STK33: variants seen among roughly 807,000 people sequenced by gnomAD.
STK33 encodes serine/threonine-protein kinase 33.
A neutral mutation model predicts 58.0 loss-of-function variants in STK33; 52 were observed. That is an observed-to-expected ratio of 0.90 (90% CI 0.72 to 1.13). The LOEUF (loss-of-function observed/expected upper bound fraction) is 1.13. Ranked by LOEUF, STK33 falls within the 50% of genes most tolerant of loss-of-function variation. STK33 has a pLI of 0.00. For missense variants in STK33, 630 were observed against 604.2 expected (o/e 1.04, Z -0.45); for synonymous variants, 215 against 200.1 (o/e 1.07, Z -0.63).
At position 8,454,724 on chromosome 11, in the gene STK33, A is replaced by C. The variant is rs1244467003; in HGVS notation, c.786+20T>G. The C allele has an allele frequency of 6.4e-7, 1 of 1,559,240 alleles. No individual in the cohort carries two copies. The highest frequency in any genetic ancestry group is 1.4e-5 in the African/African-American group (1 of 72,748). On this transcript the variant is annotated intron_variant, in intron 10 of 15. Coordinates refer to ENST00000687296, the MANE Select transcript of STK33 (RefSeq NM_001352389.2). ...TCAAACTGTTTACAGGCAAATATTT[A>C]CCACCATTGCTAATCTTACCTTTAT...
chr11:8,348,348 C>T, the STK33 span, among the ~76,000 whole-genome samples: 8 of 152,070 alleles, frequency 5.3e-5, no homozygotes, highest in East Asian at 5.8e-4. Context: ...ACAATCTTGG[C>T]GGAAGGGGAA....
At chr11:8,584,985 C>G (rs1035340240) in intron 1 of STK33, among the ~76,000 whole-genome samples, 1 of 148,076 alleles carries the variant, frequency 6.8e-6, no homozygotes, top group Non-Finnish European at 1.5e-5. Flanking sequence ...TGCAGTGGTG[C>G]GATCTCAGCT....
At chr11:8,338,040 G>A in the STK33 span, among the ~76,000 whole-genome samples, 1 of 152,158 alleles carries the variant, frequency 6.6e-6, no homozygotes, top group Admixed American at 6.5e-5. Flanking sequence ...TGTGTTGGTT[G>A]TCTGTCTCCC....
chr11:8,368,230 T>C, the STK33 span, among the ~76,000 whole-genome samples: 3 of 152,144 alleles, frequency 2.0e-5, no homozygotes, highest in Non-Finnish European at 4.4e-5. Flanking sequence ...TGGAAAGGAC[T>C]CCCTGGGAAA....
intron 6 of STK33, among the ~76,000 whole-genome samples, chr11:8,468,657 T>C (rs1948468415): frequency 6.6e-6 from 1 of 152,218 alleles, no homozygotes; most frequent in South Asian, 2.1e-4. Context: ...GTTTCTTTTG[T>C]ATCTCTTAAA....
Position 8,586,193 on chromosome 11 carries a change from GT to G in STK33, c.-466+7889del, listed in dbSNP as rs557265120. On this transcript the variant is annotated intron_variant, in intron 1 of 15. Coordinates refer to ENST00000687296, the MANE Select transcript of STK33 (RefSeq NM_001352389.2). ...GATCGTGCCACTCCACTCTAGCCTGGTCAAGAGAGCCAGATCCTATCTCGGA... is the reference window on the plus strand; with the variant it reads ...GATCGTGCCACTCCACTCTAGCCTGGCAAGAGAGCCAGATCCTATCTCGGA... Among the ~76,000 whole-genome samples, 13 of 147,600 alleles carry G rather than the reference GT, an allele frequency of 8.8e-5. No homozygotes were observed. In the South Asian group the frequency reaches 2.8e-3, roughly 32 times the overall value.
At chr11:8,448,804 G>A (rs1945865263) in intron 11 of STK33, among the ~76,000 whole-genome samples, 1 of 152,132 alleles carries the variant, frequency 6.6e-6, no homozygotes, top group Non-Finnish European at 1.5e-5. Context: ...AAACAAAAGA[G>A]CTTCTGCACA....
At chr11:8,374,775 G>A in the STK33 span, among the ~76,000 whole-genome samples, 1 of 152,178 alleles carries the variant, frequency 6.6e-6, no homozygotes, top group Non-Finnish European at 1.5e-5. Context: ...AGGTCACACT[G>A]CAAACAGAGT....
chr11:8,455,936 T>A (rs1175958778), intron 9 of STK33, among the ~76,000 whole-genome samples: 1 of 152,152 alleles, frequency 6.6e-6, no homozygotes, highest in African/African-American at 2.4e-5. Context: ...CAGGCTTTGT[T>A]TTTGGAATTT....
chr11:8,573,773 T>A (rs186852837), intron 1 of STK33, among the ~76,000 whole-genome samples: 4 of 152,312 alleles, frequency 2.6e-5, no homozygotes. Context: ...GCAACAGACT[T>A]TGATGAACCT....
At chr11:8,425,890 G>C (rs1233567537) in intron 14 of STK33, among the ~76,000 whole-genome samples, 5 of 152,114 alleles carry the variant, frequency 3.3e-5, no homozygotes. Context: ...TCTAGAGGGA[G>C]GATGCAGATG....
At chr11:8,504,241 T>A (rs1016097868) in intron 1 of STK33, among the ~76,000 whole-genome samples, 6 of 152,174 alleles carry the variant, frequency 3.9e-5, no homozygotes, top group African/African-American at 1.4e-4. Context: ...TCCACTCCCA[T>A]GAAACTGACA....
the STK33 span, among the ~76,000 whole-genome samples, chr11:8,348,300 T>A: frequency 6.6e-6 from 1 of 152,142 alleles, no homozygotes; most frequent in Non-Finnish European, 1.5e-5. Flanking sequence ...CTTAATTGAC[T>A]CACAGTTCTG....
chr11:8,397,180 AC>A (rs1849512167), intron 15 of STK33, among the ~76,000 whole-genome samples: 1 of 152,176 alleles, frequency 6.6e-6, no homozygotes, highest in Admixed American at 6.5e-5. Context: ...TGGGTCCCTG[AC>A]CCCTGAGTAG....
Position 8,537,976 on chromosome 11 carries a change from G to A in STK33, c.-466+56107C>T, listed in dbSNP as rs141012241. 3.3e-3 allele frequency among the ~76,000 whole-genome samples: 496 copies of A among 151,306 alleles called. 4 individuals carry two copies. The highest frequency in any genetic ancestry group is 0.011 in the African/African-American group (457 of 41,016). On this transcript the variant is annotated intron_variant, in intron 1 of 15. Transcript: ENST00000687296. ...CCGAGGCAGGAGGATTGCTTGAGCC[G>A]AGGCATTCAAGGCCAGACTGGGCAA...
At chr11:8,396,676 C>T (rs112206694) in intron 15 of STK33, among the ~76,000 whole-genome samples, 29,382 of 152,118 alleles carry the variant, frequency 0.19, 3,221 homozygotes, top group African/African-American at 0.29. Flanking sequence ...TCATCTCACC[C>T]GGGAAGCGCA....
the STK33 span, among the ~76,000 whole-genome samples, chr11:8,352,136 T>C: frequency 1.3e-5 from 2 of 152,138 alleles, no homozygotes; most frequent in Non-Finnish European, 2.9e-5. Context: ...GTGTGACCCA[T>C]TTTAAAGCCA....
intron 14 of STK33, among the ~76,000 whole-genome samples, chr11:8,424,402 G>C (rs908833701): frequency 2.1e-4 from 31 of 149,866 alleles, no homozygotes; most frequent in African/African-American, 7.4e-4. Context: ...TGGACATCTG[G>C]GTTGGTTCCA....
chr11:8,491,682 G>A (rs1156505355), intron 1 of STK33, among the ~76,000 whole-genome samples: 2 of 152,134 alleles, frequency 1.3e-5, no homozygotes, highest in South Asian at 2.1e-4. Flanking sequence ...ACAATGTTAA[G>A]GGCAGCCAGA....
Sources: allele counts gnomAD v4.1 joint callset (sites outside exome capture counted in the v4.1 genomes callset), GRCh38; gene constraint gnomAD v4.1.1; transcripts MANE v1.5; gene names NCBI Gene and HGNC (gene_info 2026-07-23, HGNC 2026-07-21).